MACROD2: variants seen among roughly 807,000 people sequenced by gnomAD.
MACROD2 encodes mono-ADP ribosylhydrolase 2, also known as ADP-ribose glycohydrolase MACROD2.
In MACROD2, 36 loss-of-function variants were observed where a neutral mutation model predicts 70.4. The observed-to-expected ratio is 0.51, with a 90% CI of 0.39 to 0.68. The LOEUF (loss-of-function observed/expected upper bound fraction) is 0.68, where lower values mean the gene tolerates loss of function less well. Ranked by LOEUF, MACROD2 falls within the 30% of genes least tolerant of loss-of-function variation. MACROD2 has a pLI of 0.00. For missense variants in MACROD2, 496 were observed against 538.4 expected (o/e 0.92, Z 0.78); for synonymous variants, 172 against 178.8 (o/e 0.96, Z 0.30).
At chr20:15,166,926 A>T (rs1053692950) in intron 5 of MACROD2, among the ~76,000 whole-genome samples, 32 of 148,624 alleles carry the variant, frequency 2.2e-4, no homozygotes, top group Admixed American at 3.4e-4. Context: ...TTTAAGTATT[A>T]AATTTAAGTA....
At chr20:15,896,681 G>A (rs779794654) in intron 10 of MACROD2, among the ~76,000 whole-genome samples, 15 of 151,730 alleles carry the variant, frequency 9.9e-5, no homozygotes, top group Admixed American at 3.3e-4. Flanking sequence ...TAAATATCTC[G>A]CTAAGATACT....
At chr20:15,591,586 TAAAAAAAA>T (rs11471295) in intron 8 of MACROD2, among the ~76,000 whole-genome samples, 1 of 65,112 alleles carries the variant, frequency 1.5e-5, no homozygotes, top group Admixed American at 2.2e-4. Context: ...AAGCCAGTAC[TAAAAAAAA>T]AAAAAAAAAA....
At chr20:14,654,964 C>G (rs1230879952) in intron 4 of MACROD2, among the ~76,000 whole-genome samples, 1 of 151,788 alleles carries the variant, frequency 6.6e-6, no homozygotes, top group East Asian at 1.9e-4. Flanking sequence ...TAATTTTAAC[C>G]AAGAGTTAGA....
At chr20:15,739,302 C>T (rs2051069648) in intron 8 of MACROD2, among the ~76,000 whole-genome samples, 1 of 152,100 alleles carries the variant, frequency 6.6e-6, no homozygotes, top group African/African-American at 2.4e-5. Flanking sequence ...TGCCCTTTCA[C>T]AATTGTAAAT....
intron 3 of MACROD2, among the ~76,000 whole-genome samples, chr20:14,213,736 CAAAAT>C (rs1165165089): frequency 1.3e-5 from 2 of 151,864 alleles, no homozygotes; most frequent in African/African-American, 4.8e-5. Context: ...CTTCGGCAGT[CAAAAT>C]AAAATATTAC....
chr20:14,801,636 G>C (rs1473162372), intron 5 of MACROD2, among the ~76,000 whole-genome samples: 1 of 151,982 alleles, frequency 6.6e-6, no homozygotes, highest in Non-Finnish European at 1.5e-5. Flanking sequence ...AGTTTCCAGG[G>C]AGAGTTTTAT....
In MACROD2 at chr20:14,707,637, C is replaced by T. The variant is rs149167846; in HGVS notation, c.418+22678C>T. ...TTCCCAGCCGCCTACATCCGGGAAT[C>T]TCTCATTCGGACTCAGCAAGATCAT... On this transcript the variant is annotated intron_variant, in intron 5 of 17. Transcript: ENST00000684519. 3.3e-5 allele frequency among the ~76,000 whole-genome samples: 5 copies of T among 152,268 alleles called. No homozygotes were observed. The East Asian group carries it at 9.6e-4, about 29-fold the overall frequency.
chr20:14,568,511 G>A (rs1277918729), intron 4 of MACROD2, among the ~76,000 whole-genome samples: 3 of 152,044 alleles, frequency 2.0e-5, no homozygotes, highest in Non-Finnish European at 4.4e-5. Context: ...TAGGGAGCAA[G>A]TGAGGCTGTT....
At chr20:15,376,570 T>C (rs940555617) in intron 6 of MACROD2, among the ~76,000 whole-genome samples, 2 of 152,214 alleles carry the variant, frequency 1.3e-5, no homozygotes, top group African/African-American at 4.8e-5. Context: ...TATTCCATAT[T>C]ATTACCTTAC....
chr20:14,086,959 C>T (rs2054083725), intron 3 of MACROD2, among the ~76,000 whole-genome samples: 1 of 152,122 alleles, frequency 6.6e-6, no homozygotes, highest in African/African-American at 2.4e-5. Flanking sequence ...AATAAATTCA[C>T]AGAGAATAGT....
chr20:15,237,406 G>T (rs774134651), intron 6 of MACROD2, among the ~76,000 whole-genome samples: 6 of 152,106 alleles, frequency 3.9e-5, no homozygotes, highest in Non-Finnish European at 7.3e-5. Flanking sequence ...TCTTCATTGC[G>T]TGTTCTAGTG....
chr20:14,200,488 A>G (rs2081470410), intron 3 of MACROD2, among the ~76,000 whole-genome samples: 1 of 152,184 alleles, frequency 6.6e-6, no homozygotes, highest in Non-Finnish European at 1.5e-5. Context: ...CCATGACACA[A>G]GTTTACCTAT....
At chr20:14,072,928 C>T (rs999642139) in intron 2 of MACROD2, among the ~76,000 whole-genome samples, 7 of 138,904 alleles carry the variant, frequency 5.0e-5, no homozygotes, top group East Asian at 2.1e-4. Context: ...AGCGAGACTC[C>T]GTCTAGAAAA....
At chr20:14,116,940 A>T (rs1441812441) in intron 3 of MACROD2, among the ~76,000 whole-genome samples, 3 of 151,616 alleles carry the variant, frequency 2.0e-5, no homozygotes, top group Admixed American at 6.6e-5. Flanking sequence ...GGTGGCATGC[A>T]CCTGTAGTCC....
chr20:14,880,876 G>C (rs151158010), intron 5 of MACROD2, among the ~76,000 whole-genome samples: 1,653 of 152,244 alleles, frequency 0.011, 27 homozygotes, highest in Non-Finnish European at 0.015. Flanking sequence ...GGGCCAGAGT[G>C]GCCTCTTGTT....
chr20:15,017,580 A>C (rs1186372108), intron 5 of MACROD2, among the ~76,000 whole-genome samples: 1 of 152,156 alleles, frequency 6.6e-6, no homozygotes, highest in East Asian at 1.9e-4. Context: ...TTGGGGCTCC[A>C]ACCCCACATT....
chr20:14,968,639 C>T (rs6043035), intron 5 of MACROD2, among the ~76,000 whole-genome samples: 22,445 of 152,242 alleles, frequency 0.15, 2,019 homozygotes, highest in East Asian at 0.33. Context: ...CAAGCACAGA[C>T]TGGGGGGCTC....
intron 3 of MACROD2, among the ~76,000 whole-genome samples, chr20:14,462,028 ATGAG>A (rs1390496219): frequency 1.3e-5 from 2 of 152,016 alleles, no homozygotes; most frequent in Non-Finnish European, 2.9e-5. Context: ...ATACCCAGTA[ATGAG>A]CATGGAATGT....
chr20:14,077,219 A>T (rs1449968766), intron 2 of MACROD2, among the ~76,000 whole-genome samples: 1 of 152,214 alleles, frequency 6.6e-6, no homozygotes, highest in Non-Finnish European at 1.5e-5. Flanking sequence ...AGAAATATAA[A>T]TGACTGAAAT....
Sources: gnomAD v4.1 joint callset for allele counts (sites outside exome capture counted in the v4.1 genomes callset) on GRCh38, gnomAD v4.1.1 for gene constraint, MANE v1.5 for transcripts, NCBI Gene and HGNC (gene_info 2026-07-23, HGNC 2026-07-21) for gene names.